ANKRD44: variants seen among roughly 807,000 people sequenced by gnomAD.
ANKRD44 encodes ankyrin repeat domain 44.
In ANKRD44, 35 loss-of-function variants were observed where a neutral mutation model predicts 116.0. That is an observed-to-expected ratio of 0.30 (90% CI 0.23 to 0.40). ANKRD44 has a LOEUF of 0.40. Among genes scored for constraint, ANKRD44 ranks in the 10% least tolerant of loss-of-function variants. The pLI, the probability that ANKRD44 is intolerant of heterozygous loss-of-function variation, is 1.00. For missense variants in ANKRD44, 1,014 were observed against 1,242.6 expected, an observed-to-expected ratio of 0.82 and a Z score of 2.77; for synonymous variants, 435 against 461.8, an observed-to-expected ratio of 0.94 and a Z score of 0.74.
chr2:197,217,804 T>C (rs1470095375), intron 1 of ANKRD44, among the ~76,000 whole-genome samples: 8 of 152,210 alleles, frequency 5.3e-5, no homozygotes, highest in African/African-American at 9.6e-5. Flanking sequence ...TTGGAAGGTA[T>C]GTATTTTTGT....
chr2:197,174,050 T>TAAAC (rs753206568), intron 2 of ANKRD44, among the ~76,000 whole-genome samples: 10 of 152,022 alleles, frequency 6.6e-5, no homozygotes, highest in East Asian at 1.9e-4. Context: ...AATAAATAAA[T>TAAAC]AAACAAACAA....
chr2:197,277,477 C>T (rs2083125280), intron 1 of ANKRD44, among the ~76,000 whole-genome samples: 1 of 152,090 alleles, frequency 6.6e-6, no homozygotes, highest in South Asian at 2.1e-4. Flanking sequence ...GGAGTAAGAG[C>T]CTCATCTCTG....
intron 17 of ANKRD44, among the ~76,000 whole-genome samples, chr2:197,020,744 T>C (rs914833930): frequency 1.5e-4 from 23 of 152,250 alleles, no homozygotes; most frequent in African/African-American, 5.1e-4. Context: ...AGCAACACCT[T>C]TAAAAAGCCT....
At chr2:197,113,506 T>C (rs2078638071) in intron 8 of ANKRD44, among the ~76,000 whole-genome samples, 1 of 152,246 alleles carries the variant, frequency 6.6e-6, no homozygotes, top group Admixed American at 6.5e-5. Flanking sequence ...TACTTCAGCA[T>C]TTAGAAAATA....
intron 3 of ANKRD44, among the ~76,000 whole-genome samples, chr2:197,143,197 T>A (rs1284650668): frequency 3.5e-4 from 53 of 149,802 alleles, no homozygotes; most frequent in African/African-American, 1.1e-3. Context: ...TTTATTTATT[T>A]TTTTATTTTA....
chr2:197,045,984 C>T (rs1198210794), intron 16 of ANKRD44, among the ~76,000 whole-genome samples: 10 of 152,196 alleles, frequency 6.6e-5, no homozygotes, highest in Non-Finnish European at 8.8e-5. Flanking sequence ...TCAGTATGTA[C>T]TCTACTAGTC....
At chr2:197,224,385 CATT>C (rs1359958800) in intron 1 of ANKRD44, among the ~76,000 whole-genome samples, 1 of 152,086 alleles carries the variant, frequency 6.6e-6, no homozygotes, top group Non-Finnish European at 1.5e-5. Context: ...TTTTAGGGAT[CATT>C]ATTAAGACCA....
At chr2:197,157,305 C>A (rs1441164811) in intron 2 of ANKRD44, among the ~76,000 whole-genome samples, 1 of 152,096 alleles carries the variant, frequency 6.6e-6, no homozygotes, top group Non-Finnish European at 1.5e-5. Flanking sequence ...ATGTTATGCC[C>A]TGGTTATGTG....
intron 1 of ANKRD44, among the ~76,000 whole-genome samples, chr2:197,282,166 T>A (rs1181086688): frequency 6.6e-6 from 1 of 152,118 alleles, no homozygotes; most frequent in Non-Finnish European, 1.5e-5. Context: ...GGCAAGAGAA[T>A]GGCGTGAACC....
chr2:197,236,578 C>T (rs1448991173), intron 1 of ANKRD44, among the ~76,000 whole-genome samples: 2 of 152,126 alleles, frequency 1.3e-5, no homozygotes, highest in African/African-American at 4.8e-5. Flanking sequence ...CTACTAGTTT[C>T]TTCTAATTCT....
At chr2:196,984,198 A>G (rs2075821633), downstream of ANKRD44, among the ~76,000 whole-genome samples, 1 of 152,214 alleles carries the variant, frequency 6.6e-6, no homozygotes, top group Non-Finnish European at 1.5e-5. Context: ...GTAGAGGAGC[A>G]TTGACATTCT....
chr2:197,096,599 G>C (rs2289313), intron 10 of ANKRD44, among the ~76,000 whole-genome samples: 3 of 152,008 alleles, frequency 2.0e-5, no homozygotes, highest in African/African-American at 7.3e-5. Flanking sequence ...AAATAAATTC[G>C]TAAGAAAGTA....
chr2:197,206,976 T>C (rs1266502979), intron 1 of ANKRD44, among the ~76,000 whole-genome samples: 3 of 152,260 alleles, frequency 2.0e-5, no homozygotes, highest in Non-Finnish European at 4.4e-5. Context: ...AAAATTTACC[T>C]ACATTTTAAT....
chr2:197,038,947 G>GA (rs1366502613), intron 16 of ANKRD44, among the ~76,000 whole-genome samples: 15 of 150,828 alleles, frequency 9.9e-5, no homozygotes, highest in Middle Eastern at 6.9e-3. Flanking sequence ...TTCCAAATGT[G>GA]AAAAAAAAAT....
intron 16 of ANKRD44, among the ~76,000 whole-genome samples, chr2:197,046,286 C>T (rs923210039): frequency 6.6e-6 from 1 of 152,112 alleles, no homozygotes; most frequent in Non-Finnish European, 1.5e-5. Flanking sequence ...TTTCCTGATG[C>T]TAAATTCCAA....
chr2:197,287,678 AT>A (rs1227426819), intron 1 of ANKRD44, among the ~76,000 whole-genome samples: 1 of 151,906 alleles, frequency 6.6e-6, no homozygotes, highest in Non-Finnish European at 1.5e-5. Flanking sequence ...CCTATTTTCT[AT>A]TTAGGAGATC....
chr2:197,079,040 T>C (rs1321771073), intron 15 of ANKRD44, among the ~76,000 whole-genome samples: 4 of 151,796 alleles, frequency 2.6e-5, no homozygotes, highest in Non-Finnish European at 5.9e-5. Flanking sequence ...AATATAGCCA[T>C]TCTAGAATTC....
At chr2:197,234,839 T>C (rs1211072608) in intron 1 of ANKRD44, among the ~76,000 whole-genome samples, 1 of 152,208 alleles carries the variant, frequency 6.6e-6, no homozygotes, top group Non-Finnish European at 1.5e-5. Context: ...AGTTGCCTAA[T>C]GGATAAGGCA....
chr2:197,218,657 G>T (rs1399945145), intron 1 of ANKRD44, among the ~76,000 whole-genome samples: 1 of 151,680 alleles, frequency 6.6e-6, no homozygotes, highest in Non-Finnish European at 1.5e-5. Flanking sequence ...GAAAGGGATG[G>T]TGAGAAATTA....
Sources: gnomAD v4.1 joint callset for allele counts (sites outside exome capture counted in the v4.1 genomes callset) on GRCh38, gnomAD v4.1.1 for gene constraint, MANE v1.5 for transcripts, NCBI Gene and HGNC (gene_info 2026-07-23, HGNC 2026-07-21) for gene names.